Variants in MAFK observed in about 807,000 individuals in gnomAD.
MAFK encodes the protein MAF bZIP transcription factor K.
A neutral mutation model predicts 9.2 loss-of-function variants in MAFK; 1 was observed. That is an observed-to-expected ratio of 0.11 (90% confidence interval 0.04 to 0.52). The LOEUF is 0.52. Among genes scored for constraint, MAFK ranks in the 20% least tolerant of loss-of-function variants. The pLI, the probability that MAFK is intolerant of heterozygous loss-of-function variation, is 0.94. For missense variants in MAFK, 207 were observed against 236.0 expected (o/e 0.88, Z 0.81); for synonymous variants, 110 against 107.4 (o/e 1.02, Z -0.15).
At chr7:1,537,698 C>G in intron 1 of MAFK, 2 of 985,610 alleles carry the variant, frequency 2.0e-6, no homozygotes, top group Non-Finnish European at 1.2e-6. Flanking sequence ...CCCTGTCTCA[C>G]CTGTGCGGCC....
Position 1,540,416 on chromosome 7 carries a change from G to GC in MAFK, c.*42dup. 7.4e-6 allele frequency: 3 copies of GC among 402,794 alleles called. No homozygotes were observed. The highest frequency in any genetic ancestry group is 9.4e-6 in the Non-Finnish European group (2 of 212,016). The allele number at this position is 402,794 out of a possible 1,614,324, so 25.0% of individuals were successfully genotyped here. On this transcript the variant is annotated 3_prime_UTR_variant, in exon 3 of 3. Transcript: ENST00000343242. ...GGGGGTGGCGGGCGGCGGGCGGCGG[G>GC]CAGGCGGGTGGGGGCACACCCCTCG...
In MAFK at chr7:1,530,752, G is replaced by C. The variant is rs1562541502; in HGVS notation, c.-191G>C. ...CGGGTGCGGTGGCGGCGGGCGGCGC[G>C]GGGGCACTTGTTGTTCTTCGCGAAG... On this transcript the variant is annotated 5_prime_UTR_variant, in exon 1 of 3. Transcript: ENST00000343242. 2.0e-5 allele frequency: 3 copies of C among 149,514 alleles called. No homozygotes were observed. In the South Asian group the frequency reaches 5.3e-4, roughly 26 times the overall value. 9.3% of individuals were successfully genotyped at this position (149,514 alleles called of 1,614,324 possible). A position where few individuals can be genotyped will look rare whatever the true frequency, so the allele number is the denominator to read the frequency against.
In MAFK at chr7:1,532,902, C is replaced by T. The variant is rs1783935534; in HGVS notation, c.-45+2004C>T. 6.6e-6 allele frequency among the ~76,000 whole-genome samples: 1 copy of T among 152,164 alleles called. No individual in the cohort carries two copies. Among genetic ancestry groups the T allele is most frequent in the Non-Finnish European group, 1.5e-5 (1 of 68,044 alleles). ...CAGCTGAGAGAGGGCTCCGTGTGGCCGCCTTTCAACAGTAAACAGTGACTC... is the reference window on the plus strand; with the variant it reads ...CAGCTGAGAGAGGGCTCCGTGTGGCTGCCTTTCAACAGTAAACAGTGACTC... On this transcript the variant is annotated intron_variant, in intron 1 of 2. Coordinates refer to ENST00000343242, the MANE Select transcript of MAFK (RefSeq NM_002360.4). The surrounding 1 kb of genome is among the most constrained non-coding windows in gnomAD (Gnocchi z 4.5).
intron 1 of MAFK, chr7:1,537,315 A>C: frequency 4.4e-6 from 4 of 903,404 alleles, no homozygotes; most frequent in Non-Finnish European, 4.0e-6. Context: ...GCTGGGTGGG[A>C]GGCCCGGGTG....
At chr7:1,531,893 G>A (rs977161080) in intron 1 of MAFK, among the ~76,000 whole-genome samples, 15 of 152,228 alleles carry the variant, frequency 9.9e-5, no homozygotes, top group Admixed American at 6.5e-5. Context: ...GGTGTCCTGC[G>A]TCCCTGAGCA....
chr7:1,531,942 G>C (rs559222191), intron 1 of MAFK, among the ~76,000 whole-genome samples: 4 of 152,376 alleles, frequency 2.6e-5, no homozygotes, highest in African/African-American at 9.6e-5. Context: ...TTGTAGCTGA[G>C]GCAGAAATTA....
intron 1 of MAFK, 174 bp from the exon 2 acceptor site, chr7:1,538,975 C>A (rs980884388): frequency 3.3e-6 from 2 of 598,204 alleles, no homozygotes; most frequent in African/African-American, 3.8e-5. Context: ...GATGCCTCAC[C>A]CCCTGGGAAG....
Position 1,539,982 on chromosome 7 carries a change from T to C in MAFK, c.78T>C (p.Asp26=), listed in dbSNP as rs750588247. 3.2e-6 allele frequency: 5 copies of C among 1,553,142 alleles called. No homozygotes were observed. The South Asian group carries it at 5.9e-5, about 18-fold the overall frequency. ...GCGAGAACGCCCCGGTGCTCAGCGA[T>C]GATGAGCTGGTGTCCATGTCGGTGC... ...EAGENAPVLS[D]DELVSMSVRE... is the part of the protein sequence containing the mutation. The change falls in exon 3 of 3, where the codon GAT becomes GAC. Residue 26 remains aspartate, a synonymous_variant. Transcript: ENST00000343242.
intron 1 of MAFK, among the ~76,000 whole-genome samples, chr7:1,531,545 A>AG (rs1244394603): frequency 6.6e-6 from 1 of 151,808 alleles, no homozygotes; most frequent in Non-Finnish European, 1.5e-5. Flanking sequence ...GGGAGGCGGG[A>AG]GGGGGGCAGG....
At chr7:1,537,450 A>G (rs766771551) in intron 1 of MAFK, 3 of 985,396 alleles carry the variant, frequency 3.0e-6, no homozygotes, top group Non-Finnish European at 2.4e-6. Context: ...TCCCTCTGAC[A>G]TGGAAAAGTT....
Position 1,541,154 on chromosome 7 carries a change from G to A in MAFK, c.*779G>A, listed in dbSNP as rs964452780. On this transcript the variant is annotated 3_prime_UTR_variant, in exon 3 of 3. Transcript: ENST00000343242. Reference sequence around the variant, plus strand: ...GGTCTCCCCTGTGCTCTGGTGACCCGAGGAGGTCGTGCAGCACAGCGCAGA... The same window carrying A: ...GGTCTCCCCTGTGCTCTGGTGACCCAAGGAGGTCGTGCAGCACAGCGCAGA... The A allele has an allele frequency of 3.9e-5, 6 of 152,772 alleles. No homozygotes were observed. The highest frequency in any genetic ancestry group is 2.0e-4 in the Admixed American group (3 of 15,280). The allele number at this position is 152,772 out of a possible 1,614,324, so 9.5% of individuals were successfully genotyped here.
intron 1 of MAFK, among the ~76,000 whole-genome samples, chr7:1,536,257 G>A (rs911905463): frequency 1.1e-4 from 16 of 151,668 alleles, no homozygotes; most frequent in African/African-American, 3.4e-4. Context: ...GGTGACCACC[G>A]AAACTCAGAG....
rs6978890 is a variant in MAFK at position 1,532,680 on chromosome 7, T to C, written c.-45+1782T>C. On this transcript the variant is annotated intron_variant, in intron 1 of 2. Transcript: ENST00000343242. This position sits in a 1 kb window ranked among gnomAD's most constrained non-coding sequence, Gnocchi z 4.5. The stretch of plus-strand genomic sequence containing the variant: ...GAGACCGTCTTCCGGGCCACTTCGC[T>C]GTCTACAAGGCGTGTGCTTTCACCC... Among the ~76,000 whole-genome samples the C allele has an allele frequency of 0.011, 1,744 of 152,324 alleles. 51 individuals are homozygous for C. Among genetic ancestry groups the C allele is most frequent in the African/African-American group, 0.039 (1,638 of 41,566 alleles).
intron 1 of MAFK, chr7:1,538,622 TC>T: frequency 5.0e-6 from 1 of 200,780 alleles, no homozygotes. Context: ...AGGGTCGCTG[TC>T]CAGCGGGGCC....
Position 1,540,685 on chromosome 7 carries a change from G to A in MAFK, c.*310G>A, listed in dbSNP as rs757252936. 5 of 364,464 alleles carry A rather than the reference G, an allele frequency of 1.4e-5. No homozygotes were observed. Among genetic ancestry groups the A allele is most frequent in the African/African-American group, 8.7e-5 (4 of 46,076 alleles). 22.6% of individuals were successfully genotyped at this position (364,464 alleles called of 1,614,324 possible). On this transcript the variant is annotated 3_prime_UTR_variant, in exon 3 of 3. Coordinates refer to ENST00000343242, the MANE Select transcript of MAFK (RefSeq NM_002360.4). ...CGGGACATATAATGGAAAGGCCCTC[G>A]GGAAGTTCCGCGTCCTCTGTGGGGG...
At chr7:1,533,015 C>G (rs1783938481) in intron 1 of MAFK, among the ~76,000 whole-genome samples, 1 of 152,242 alleles carries the variant, frequency 6.6e-6, no homozygotes. Flanking sequence ...GTCACAGACT[C>G]GTCATGTTTC....
intron 1 of MAFK, among the ~76,000 whole-genome samples, chr7:1,536,783 G>A (rs1010521722): frequency 2.0e-5 from 3 of 152,236 alleles, no homozygotes; most frequent in African/African-American, 7.2e-5. Flanking sequence ...ATCCCGTGCT[G>A]GGTTCCTGAG....
At chr7:1,538,429 A>G (rs1784090963) in intron 1 of MAFK, 2 of 970,608 alleles carry the variant, frequency 2.1e-6, no homozygotes, top group African/African-American at 1.9e-5. Flanking sequence ...GGAGGTGGTG[A>G]TGTCACAGCC....
At chr7:1,539,810 G>A in intron 2 of MAFK, 131 bp from the exon 3 acceptor site, 1 of 744,728 alleles carries the variant, frequency 1.3e-6, no homozygotes, top group Non-Finnish European at 2.1e-6. Flanking sequence ...GGTCCCTGGT[G>A]CGGATGGCGA....
Sources: gnomAD v4.1 joint callset for allele counts (sites outside exome capture counted in the v4.1 genomes callset) on GRCh38, gnomAD v4.1.1 for gene constraint, Gnocchi (gnomAD v3.1) non-coding constraint, MANE v1.5 for transcripts, NCBI Gene and HGNC (gene_info 2026-07-23, HGNC 2026-07-21) for gene names.